Variants in SPMIP2 observed in about 807,000 individuals in gnomAD.
The protein encoded by SPMIP2 is sperm microtubule inner protein 2.
At chr4:159,017,800 G>T in the SPMIP2 span, among the ~76,000 whole-genome samples, 1 of 152,190 alleles carries the variant, frequency 6.6e-6, no homozygotes, top group Non-Finnish European at 1.5e-5. Flanking sequence ...ACAAGCAAGA[G>T]CTCAGAGCCA....
the SPMIP2 span, among the ~76,000 whole-genome samples, chr4:158,964,192 A>AAAACAAAAC: frequency 4.1e-5 from 5 of 120,886 alleles, no homozygotes; most frequent in African/African-American, 1.2e-4. Flanking sequence ...CAAAACAAAA[A>AAAACAAAAC]ACATGTGGAG....
At chr4:158,957,231 T>C in the SPMIP2 span, among the ~76,000 whole-genome samples, 1 of 152,218 alleles carries the variant, frequency 6.6e-6, no homozygotes, top group East Asian at 1.9e-4. Context: ...TAATGAATTT[T>C]CTTTGTTCTT....
chr4:159,082,846 G>T, the SPMIP2 span, among the ~76,000 whole-genome samples: 2 of 152,246 alleles, frequency 1.3e-5, no homozygotes, highest in East Asian at 3.9e-4. Flanking sequence ...ACTTTGGGAG[G>T]CTGAGGCAGG....
the SPMIP2 span, among the ~76,000 whole-genome samples, chr4:159,061,092 A>T: frequency 3.4e-3 from 495 of 144,000 alleles, 3 homozygotes; most frequent in South Asian, 0.033. Context: ...CTCAAAAAAA[A>T]AAATATATAT....
At chr4:158,974,480 C>G in the SPMIP2 span, among the ~76,000 whole-genome samples, 1 of 151,930 alleles carries the variant, frequency 6.6e-6, no homozygotes, top group Non-Finnish European at 1.5e-5. Flanking sequence ...GCAACAGGCC[C>G]CCTTGTGTAA....
At chr4:158,899,907 C>G in the SPMIP2 span, among the ~76,000 whole-genome samples, 1 of 152,040 alleles carries the variant, frequency 6.6e-6, no homozygotes, top group Non-Finnish European at 1.5e-5. Flanking sequence ...TTTGTTTGCT[C>G]TTGCTTCTCT....
At chr4:158,993,631 G>A in the SPMIP2 span, among the ~76,000 whole-genome samples, 1 of 152,084 alleles carries the variant, frequency 6.6e-6, no homozygotes, top group Non-Finnish European at 1.5e-5. Flanking sequence ...ACTCTTCTGA[G>A]TGCTTGGAAT....
chr4:159,022,832 C>T, the SPMIP2 span, among the ~76,000 whole-genome samples: 1 of 151,930 alleles, frequency 6.6e-6, no homozygotes, highest in Non-Finnish European at 1.5e-5. Flanking sequence ...GAGATCGAGA[C>T]CATCCTGGCC....
the SPMIP2 span, among the ~76,000 whole-genome samples, chr4:158,927,762 G>A: frequency 0.065 from 9,958 of 152,318 alleles, 409 homozygotes; most frequent in African/African-American, 0.12. Context: ...TGGAGTTCCC[G>A]GTTAGACTGG....
the SPMIP2 span, among the ~76,000 whole-genome samples, chr4:158,938,420 TTTTGG>T: frequency 6.6e-6 from 1 of 152,232 alleles, no homozygotes; most frequent in African/African-American, 2.4e-5. Context: ...GTTGTGACTG[TTTTGG>T]TTTGATTTAT....
the SPMIP2 span, among the ~76,000 whole-genome samples, chr4:158,979,739 A>G: frequency 2.6e-5 from 4 of 151,178 alleles, no homozygotes; most frequent in Admixed American, 2.0e-4. Context: ...CCTGTGTTTC[A>G]AGCACAAAAC....
chr4:159,050,881 G>A, the SPMIP2 span, among the ~76,000 whole-genome samples: 4 of 151,888 alleles, frequency 2.6e-5, no homozygotes, highest in African/African-American at 9.7e-5. Flanking sequence ...GGCTGAGCCA[G>A]GTGGATCATC....
At chr4:159,055,005 A>G in the SPMIP2 span, among the ~76,000 whole-genome samples, 1 of 152,248 alleles carries the variant, frequency 6.6e-6, no homozygotes, top group Non-Finnish European at 1.5e-5. Context: ...TGCATGACTT[A>G]TAACTAGAAA....
the SPMIP2 span, among the ~76,000 whole-genome samples, chr4:159,022,710 G>A: frequency 2.6e-5 from 4 of 152,274 alleles, no homozygotes; most frequent in African/African-American, 9.6e-5. Context: ...TTAGCTCAGA[G>A]TCCCCTTCAG....
chr4:158,970,306 C>T, the SPMIP2 span, among the ~76,000 whole-genome samples: 9 of 152,080 alleles, frequency 5.9e-5, no homozygotes, highest in Non-Finnish European at 1.2e-4. Flanking sequence ...ATTGGGAGGC[C>T]GAGGTGGGAG....
the SPMIP2 span, among the ~76,000 whole-genome samples, chr4:158,991,418 C>T: frequency 6.6e-6 from 1 of 152,208 alleles, no homozygotes; most frequent in East Asian, 1.9e-4. Flanking sequence ...CTTTGATCCA[C>T]TGCCCCTGAC....
chr4:158,915,931 A>G, the SPMIP2 span, among the ~76,000 whole-genome samples: 2 of 152,192 alleles, frequency 1.3e-5, no homozygotes, highest in African/African-American at 4.8e-5. Context: ...CAGAAACAGG[A>G]TTGTAAGGGT....
chr4:158,900,984 T>C, the SPMIP2 span, among the ~76,000 whole-genome samples: 5 of 152,162 alleles, frequency 3.3e-5, no homozygotes, highest in Non-Finnish European at 5.9e-5. Context: ...GCTTTTTCCT[T>C]TCCATGTAGT....
the SPMIP2 span, chr4:158,905,760 A>T: frequency 6.6e-6 from 1 of 152,126 alleles, no homozygotes; most frequent in South Asian, 2.1e-4. Context: ...ACTGACCGTG[A>T]AACAGACTAT....
Sources: gnomAD v4.1 joint callset for allele counts (sites outside exome capture counted in the v4.1 genomes callset) on GRCh38, gnomAD v4.1.1 for gene constraint, MANE v1.5 for transcripts, NCBI Gene and HGNC (gene_info 2026-07-23, HGNC 2026-07-21) for gene names.